Variants in ECD observed in about 807,000 individuals in gnomAD.
ECD encodes protein ecdysoneless homolog.
ECD carries 59 observed loss-of-function variants against 77.2 expected under a neutral mutation model. The observed-to-expected ratio is 0.76, with a 90% confidence interval of 0.62 to 0.95. The LOEUF (loss-of-function observed/expected upper bound fraction) is 0.95. Ranked by LOEUF, ECD falls within the 40% of genes least tolerant of loss-of-function variation. The probability of loss-of-function intolerance (pLI) is 0.00; values close to 1 mark genes in which losing one functional copy is unlikely to be tolerated. For synonymous variants in ECD, 233 were observed against 267.4 expected, an observed-to-expected ratio of 0.87 and a Z score of 1.26; for missense variants, 704 against 763.4, an observed-to-expected ratio of 0.92 and a Z score of 0.92.
chr10:73,156,943 T>C (rs1465018640), intron 3 of ECD, among the ~76,000 whole-genome samples: 1 of 152,018 alleles, frequency 6.6e-6, no homozygotes, highest in Non-Finnish European at 1.5e-5. Flanking sequence ...TACTATAGGG[T>C]TCCAAAAGAA....
intron 8 of ECD, among the ~76,000 whole-genome samples, chr10:73,147,894 A>C (rs566581777): frequency 9.2e-5 from 14 of 152,190 alleles, no homozygotes; most frequent in Non-Finnish European, 1.9e-4. Context: ...ATATATATAT[A>C]TCTTTACTAC....
At chr10:73,156,236 A>C in intron 5 of ECD, 39 bp downstream of exon 5, 1 of 1,521,174 alleles carries the variant, frequency 6.6e-7, no homozygotes, top group South Asian at 1.3e-5. Context: ...CGAAACCAAA[A>C]GGTTCCTTAA....
intron 3 of ECD, among the ~76,000 whole-genome samples, chr10:73,157,127 G>A (rs1843306841): frequency 2.6e-5 from 4 of 151,536 alleles, no homozygotes; most frequent in Admixed American, 2.6e-4. Context: ...TCGGCTCACT[G>A]CAACCTCCAC....
intron 9 of ECD, among the ~76,000 whole-genome samples, chr10:73,144,292 T>C (rs1564661668): frequency 6.6e-6 from 1 of 152,180 alleles, no homozygotes; most frequent in Non-Finnish European, 1.5e-5. Flanking sequence ...ATATTATACG[T>C]AGGAGCTAAA....
intron 1 of ECD, among the ~76,000 whole-genome samples, chr10:73,164,350 TA>T (rs75109558): frequency 6.7e-4 from 94 of 140,260 alleles, no homozygotes; most frequent in Middle Eastern, 3.5e-3. Context: ...AGACTCCAAC[TA>T]AAAAAAAAAA....
At chr10:73,146,979 T>C (rs1843138696) in intron 8 of ECD, among the ~76,000 whole-genome samples, 1 of 152,154 alleles carries the variant, frequency 6.6e-6, no homozygotes, top group Non-Finnish European at 1.5e-5. Flanking sequence ...GGCTCATGCC[T>C]ATAATCTCAG....
intron 3 of ECD, among the ~76,000 whole-genome samples, chr10:73,158,767 G>A (rs1446929731): frequency 2.0e-5 from 3 of 152,038 alleles, no homozygotes; most frequent in Admixed American, 6.6e-5. Context: ...ATAGAGCACA[G>A]TGGCATGTGC....
At chr10:73,163,624 G>A (rs773299068) in intron 2 of ECD, 109 bp downstream of exon 2, 12 of 1,057,516 alleles carry the variant, frequency 1.1e-5, no homozygotes, top group Non-Finnish European at 1.6e-5. Flanking sequence ...AAAGTTTAGT[G>A]TATTAATCTC....
At chr10:73,143,096 G>C (rs989095255) in intron 9 of ECD, among the ~76,000 whole-genome samples, 6 of 152,152 alleles carry the variant, frequency 3.9e-5, no homozygotes, top group Admixed American at 6.6e-5. Context: ...CCAGTACCTG[G>C]AATAGGGCCT....
intron 3 of ECD, among the ~76,000 whole-genome samples, chr10:73,157,921 G>A (rs1285597628): frequency 6.6e-6 from 1 of 150,702 alleles, no homozygotes; most frequent in East Asian, 1.9e-4. Flanking sequence ...GTTATATATC[G>A]TTCTAGCTCT....
chr10:73,151,615 A>G (rs1263060450), intron 7 of ECD, among the ~76,000 whole-genome samples: 1 of 151,952 alleles, frequency 6.6e-6, no homozygotes, highest in Non-Finnish European at 1.5e-5. Flanking sequence ...GAAAAACACT[A>G]TTTTGTAGCT....
intron 13 of ECD, 90 bp from the exon 14 acceptor site, chr10:73,134,903 A>G: frequency 8.9e-7 from 1 of 1,117,802 alleles, no homozygotes; most frequent in South Asian, 1.5e-5. Context: ...GCCACAATGT[A>G]AATTTGCATT....
At chr10:73,152,509 A>C in intron 6 of ECD, 88 bp from the exon 7 acceptor site, 1 of 1,438,322 alleles carries the variant, frequency 7.0e-7, no homozygotes. Flanking sequence ...TGAGAAGTCC[A>C]TTTATAAGCT....
intron 3 of ECD, 43 bp from the exon 4 acceptor site, chr10:73,156,698 A>G (rs781612417): frequency 1.4e-5 from 21 of 1,537,296 alleles, no homozygotes; most frequent in Non-Finnish European, 1.6e-5. Context: ...AAAAGCATAT[A>G]TCTGCTAGTA....
At chr10:73,166,015 C>T (rs1421869887) in intron 1 of ECD, among the ~76,000 whole-genome samples, 4 of 152,120 alleles carry the variant, frequency 2.6e-5, no homozygotes, top group African/African-American at 9.7e-5. Flanking sequence ...TTGCTATCTC[C>T]ATGAGTTCAA....
At chr10:73,135,900 A>G (rs1346072098) in intron 13 of ECD, among the ~76,000 whole-genome samples, 1 of 152,202 alleles carries the variant, frequency 6.6e-6, no homozygotes, top group East Asian at 1.9e-4. Context: ...TATGGTTTCT[A>G]CTAGATTTTG....
intron 1 of ECD, among the ~76,000 whole-genome samples, chr10:73,164,423 C>T (rs1284080097): frequency 6.6e-6 from 1 of 151,738 alleles, no homozygotes; most frequent in East Asian, 1.9e-4. Flanking sequence ...TGGTTTTGGC[C>T]TTAACCATAC....
chr10:73,138,670 G>A (rs543875169), intron 11 of ECD, among the ~76,000 whole-genome samples: 3 of 152,162 alleles, frequency 2.0e-5, no homozygotes, highest in Non-Finnish European at 4.4e-5. Context: ...GGGGTCAAGC[G>A]ATTCTCCTGC....
intron 11 of ECD, among the ~76,000 whole-genome samples, chr10:73,138,334 A>G (rs1261242072): frequency 6.6e-6 from 1 of 152,220 alleles, no homozygotes; most frequent in East Asian, 1.9e-4. Flanking sequence ...GGACCTACCC[A>G]CTCTCTAGCC....
Sources: allele counts gnomAD v4.1 joint callset (sites outside exome capture counted in the v4.1 genomes callset), GRCh38; gene constraint gnomAD v4.1.1; transcripts MANE v1.5; gene names NCBI Gene and HGNC (gene_info 2026-07-23, HGNC 2026-07-21).